GRIK4: variants seen among roughly 807,000 people sequenced by gnomAD.
GRIK4 encodes glutamate receptor ionotropic, kainate 4.
In GRIK4, 40 loss-of-function variants were observed where a neutral mutation model predicts 104.9. The ratio of observed to expected loss-of-function variants is 0.38; its 90% CI spans 0.30 to 0.50. The LOEUF (loss-of-function observed/expected upper bound fraction) is 0.50. Among genes scored for constraint, GRIK4 ranks in the 20% least tolerant of loss-of-function variants. The probability of loss-of-function intolerance (pLI) is 0.93; values close to 1 mark genes in which losing one functional copy is unlikely to be tolerated. For synonymous variants in GRIK4, 485 were observed against 524.9 expected (o/e 0.92, Z 1.04); for missense variants, 1,047 against 1,308.1 (o/e 0.80, Z 3.08).
At position 120,927,565 on chromosome 11, in the gene GRIK4, CAAAAA is replaced by C. The variant is rs56223442; in HGVS notation, c.1477-12762_1477-12758del. Among the ~76,000 whole-genome samples, 620 of 101,560 alleles carry C rather than the reference CAAAAA, an allele frequency of 6.1e-3. 12 individuals carry two copies. Among genetic ancestry groups the C allele is most frequent in the African/African-American group, 0.021 (546 of 25,698 alleles). 66.6% of individuals were successfully genotyped at this position (101,560 alleles called of 152,430 possible). ...TAGGTGACAAAGTGAGACTCTGTCTCAAAAAAAAAAAAAAAAAAAAAAAAGAAAGA... is the reference window on the plus strand; with the variant it reads ...TAGGTGACAAAGTGAGACTCTGTCTCAAAAAAAAAAAAAAAAAAAGAAAGA... On this transcript the variant is annotated intron_variant, in intron 13 of 20. Transcript: ENST00000527524.
chr11:120,910,304 C>T (rs1411896748), intron 13 of GRIK4, among the ~76,000 whole-genome samples: 4 of 152,204 alleles, frequency 2.6e-5, no homozygotes, highest in East Asian at 1.9e-4. Flanking sequence ...ATATTTTCTG[C>T]ATATGTGTGA....
intron 11 of GRIK4, among the ~76,000 whole-genome samples, chr11:120,882,176 A>G (rs961657327): frequency 2.6e-5 from 4 of 151,808 alleles, no homozygotes; most frequent in African/African-American, 9.7e-5. Context: ...AGCTGACCCC[A>G]TCATAGCTCC....
intron 14 of GRIK4, among the ~76,000 whole-genome samples, chr11:120,947,576 C>T (rs1943892854): frequency 6.6e-6 from 1 of 152,118 alleles, no homozygotes; most frequent in Admixed American, 6.6e-5. Context: ...CTGCTTAATA[C>T]TCTGTTCTAA....
intron 1 of GRIK4, among the ~76,000 whole-genome samples, chr11:120,640,735 G>A (rs1949459818): frequency 6.6e-6 from 1 of 150,536 alleles, no homozygotes; most frequent in Non-Finnish European, 1.5e-5. Flanking sequence ...TTGAGACACA[G>A]TCTCGCTCTG....
intron 1 of GRIK4, among the ~76,000 whole-genome samples, chr11:120,553,386 G>C (rs1424858340): frequency 6.6e-6 from 1 of 152,180 alleles, no homozygotes. Context: ...AGGAAGTCAC[G>C]GGAGGCTGGG....
chr11:120,900,417 G>A (rs1010747126), intron 12 of GRIK4, among the ~76,000 whole-genome samples: 2 of 152,230 alleles, frequency 1.3e-5, no homozygotes, highest in African/African-American at 4.8e-5. Context: ...TGTTTATTGG[G>A]TGCTGCTATA....
At chr11:120,674,777 T>C (rs1356941062) in intron 3 of GRIK4, among the ~76,000 whole-genome samples, 1 of 152,202 alleles carries the variant, frequency 6.6e-6, no homozygotes. Flanking sequence ...GGGAAACATA[T>C]AGCCCTGGGG....
intron 8 of GRIK4, among the ~76,000 whole-genome samples, chr11:120,843,749 G>A (rs1340951669): frequency 6.6e-6 from 1 of 152,066 alleles, no homozygotes; most frequent in Non-Finnish European, 1.5e-5. Context: ...GATCTCTAAG[G>A]GCCTTTTCAG....
intron 3 of GRIK4, among the ~76,000 whole-genome samples, chr11:120,676,032 T>C (rs1950094209): frequency 6.6e-6 from 1 of 152,148 alleles, no homozygotes; most frequent in Non-Finnish European, 1.5e-5. Context: ...GAGAACCTGC[T>C]CATTTGGGTT....
intron 19 of GRIK4, among the ~76,000 whole-genome samples, chr11:120,971,119 A>C (rs1311449784): frequency 6.6e-6 from 1 of 152,208 alleles, no homozygotes; most frequent in Non-Finnish European, 1.5e-5. Flanking sequence ...CGAGCAATTA[A>C]GGCACAATGA....
At chr11:120,612,169 A>G (rs1949045648) in intron 1 of GRIK4, among the ~76,000 whole-genome samples, 1 of 152,102 alleles carries the variant, frequency 6.6e-6, no homozygotes, top group South Asian at 2.1e-4. Context: ...CTCCTTTGCG[A>G]TACACCTCGT....
intron 1 of GRIK4, among the ~76,000 whole-genome samples, chr11:120,593,325 A>G (rs1485522647): frequency 1.3e-5 from 2 of 152,010 alleles, no homozygotes; most frequent in Non-Finnish European, 2.9e-5. Context: ...GCCCACTTCA[A>G]TCTGGCGGCT....
At chr11:120,762,760 A>G (rs1951771818) in intron 3 of GRIK4, among the ~76,000 whole-genome samples, 1 of 152,188 alleles carries the variant, frequency 6.6e-6, no homozygotes, top group Admixed American at 6.5e-5. Flanking sequence ...GCATATATTG[A>G]ACCAGCCTTG....
intron 7 of GRIK4, among the ~76,000 whole-genome samples, chr11:120,836,112 A>G (rs1953569816): frequency 6.6e-6 from 1 of 152,192 alleles, no homozygotes; most frequent in Admixed American, 6.5e-5. Context: ...GGACTCTCTT[A>G]TCTATGCCAG....
At chr11:120,606,783 C>G (rs1010925265) in intron 1 of GRIK4, among the ~76,000 whole-genome samples, 2 of 152,172 alleles carry the variant, frequency 1.3e-5, no homozygotes, top group African/African-American at 2.4e-5. Flanking sequence ...AGGAACAGCC[C>G]TTGAGCTCAG....
At chr11:120,786,111 T>G (rs996556546) in intron 3 of GRIK4, among the ~76,000 whole-genome samples, 8 of 152,182 alleles carry the variant, frequency 5.3e-5, no homozygotes, top group Non-Finnish European at 1.0e-4. Flanking sequence ...CTCTCACTGC[T>G]GCCTTGCTCT....
At chr11:120,595,417 T>A (rs1210085268) in intron 1 of GRIK4, among the ~76,000 whole-genome samples, 1 of 152,248 alleles carries the variant, frequency 6.6e-6, no homozygotes, top group Non-Finnish European at 1.5e-5. Flanking sequence ...TTTCTTCCCC[T>A]CTAGACTGTA....
intron 9 of GRIK4, among the ~76,000 whole-genome samples, chr11:120,864,989 C>G (rs961226454): frequency 4.6e-5 from 7 of 152,252 alleles, no homozygotes; most frequent in Non-Finnish European, 1.0e-4. Flanking sequence ...TGAATTATAC[C>G]TGACCATCTT....
chr11:120,573,044 A>G (rs917452247), intron 1 of GRIK4, among the ~76,000 whole-genome samples: 4 of 152,108 alleles, frequency 2.6e-5, no homozygotes, highest in African/African-American at 9.7e-5. Flanking sequence ...GTGTCTTTTA[A>G]TTTGAGGTAT....
Sources: gnomAD v4.1 joint callset for allele counts (sites outside exome capture counted in the v4.1 genomes callset) on GRCh38, gnomAD v4.1.1 for gene constraint, MANE v1.5 for transcripts, NCBI Gene and HGNC (gene_info 2026-07-23, HGNC 2026-07-21) for gene names.